Variants in LRRC4C observed in about 807,000 individuals in gnomAD.
LRRC4C encodes leucine-rich repeat-containing protein 4C.
Under a neutral mutation model 33.6 loss-of-function variants are expected in LRRC4C, and 5 were observed. The observed-to-expected ratio is 0.15, with a 90% CI of 0.08 to 0.31. The LOEUF (loss-of-function observed/expected upper bound fraction) is 0.31. LRRC4C is among the 10% of genes least tolerant of loss of function. The probability of loss-of-function intolerance (pLI) is 1.00; values close to 1 mark genes in which losing one functional copy is unlikely to be tolerated. For missense variants in LRRC4C, 560 were observed against 796.7 expected, an observed-to-expected ratio of 0.70 and a Z score of 3.58; for synonymous variants, 329 against 302.0, an observed-to-expected ratio of 1.09 and a Z score of -0.93.
At chr11:40,978,328 G>A (rs555935541) in intron 1 of LRRC4C, among the ~76,000 whole-genome samples, 1 of 152,250 alleles carries the variant, frequency 6.6e-6, no homozygotes, top group East Asian at 1.9e-4. Context: ...TACTGGCAAA[G>A]CCAACTAGCA....
chr11:41,387,484 G>T (rs2137957892), intron 1 of LRRC4C, among the ~76,000 whole-genome samples: 1 of 151,802 alleles, frequency 6.6e-6, no homozygotes. Context: ...AAGAAAATAA[G>T]AAGGATGAGA....
chr11:40,247,875 A>G (rs1043138370), intron 4 of LRRC4C, among the ~76,000 whole-genome samples: 10 of 152,232 alleles, frequency 6.6e-5, no homozygotes, highest in African/African-American at 2.4e-4. Flanking sequence ...CTGTAAGACA[A>G]CTGAAACTAG....
At chr11:40,391,832 A>T (rs1949349410) in intron 3 of LRRC4C, among the ~76,000 whole-genome samples, 1 of 152,228 alleles carries the variant, frequency 6.6e-6, no homozygotes, top group South Asian at 2.1e-4. Flanking sequence ...GTCCACATAA[A>T]AACCTGTCTG....
rs1466320264 is a variant in LRRC4C at position 40,608,587 on chromosome 11, CAT to C, written c.-270+39553_-270+39554del. 5.8e-4 allele frequency among the ~76,000 whole-genome samples: 88 copies of C among 151,978 alleles called. 1 individual carries two copies. Among genetic ancestry groups the C allele is most frequent in the Admixed American group, 5.7e-3 (87 of 15,256 alleles). ...ATTAATTACCTTTCCAATCAAACAACATAGAGTGGCTAATTGATTAACAAAAA... is the reference window on the plus strand; with the variant it reads ...ATTAATTACCTTTCCAATCAAACAACAGAGTGGCTAATTGATTAACAAAAA... On this transcript the variant is annotated intron_variant, in intron 3 of 6. Transcript: ENST00000528697.
Position 40,388,252 on chromosome 11 carries a change from A to G in LRRC4C, c.-269-68531T>C, listed in dbSNP as rs777748719. On this transcript the variant is annotated intron_variant, in intron 3 of 6. Coordinates refer to ENST00000528697, the MANE Select transcript of LRRC4C (RefSeq NM_001258419.2). ...ATCAGGTTACTTGTCTCTTGCTTCA[A>G]TGGTAATTCCTTGAGACCTGTCAAA... Among the ~76,000 whole-genome samples, 98 of 152,268 alleles carry G rather than the reference A, an allele frequency of 6.4e-4. 1 individual carries two copies. The Middle Eastern group carries it at 0.01, about 16-fold the overall frequency.
chr11:40,750,014 G>T (rs532672658), intron 2 of LRRC4C, among the ~76,000 whole-genome samples: 1 of 152,008 alleles, frequency 6.6e-6, no homozygotes, highest in South Asian at 2.1e-4. Context: ...TCAAAGAAAA[G>T]CACAGTGACC....
intron 2 of LRRC4C, among the ~76,000 whole-genome samples, chr11:40,838,358 G>T (rs1386194889): frequency 2.0e-5 from 3 of 152,056 alleles, no homozygotes; most frequent in Non-Finnish European, 4.4e-5. Context: ...AAAATGTTTT[G>T]TCTCTCAGAA....
chr11:41,263,201 C>T (rs546268243), intron 1 of LRRC4C, among the ~76,000 whole-genome samples: 1 of 152,240 alleles, frequency 6.6e-6, no homozygotes, highest in African/African-American at 2.4e-5. Flanking sequence ...GAAACCTATG[C>T]TTCTGGGAGT....
intron 2 of LRRC4C, among the ~76,000 whole-genome samples, chr11:40,693,236 A>T (rs1229855583): frequency 2.0e-5 from 3 of 152,172 alleles, no homozygotes. Context: ...TGAGATAGAT[A>T]AAAATAAAAT....
At chr11:40,896,867 C>G (rs1955968283) in intron 2 of LRRC4C, among the ~76,000 whole-genome samples, 1 of 152,160 alleles carries the variant, frequency 6.6e-6, no homozygotes, top group Admixed American at 6.5e-5. Context: ...CATGCCACCT[C>G]ACTTCACTGA....
chr11:40,155,245 C>T (rs1858585934), intron 5 of LRRC4C, among the ~76,000 whole-genome samples: 1 of 151,936 alleles, frequency 6.6e-6, no homozygotes, highest in Non-Finnish European at 1.5e-5. Flanking sequence ...TAAATGCCCA[C>T]ATCAAAAACT....
intron 3 of LRRC4C, among the ~76,000 whole-genome samples, chr11:40,442,246 CATT>C (rs1028431419): frequency 2.7e-5 from 4 of 149,054 alleles, no homozygotes; most frequent in Middle Eastern, 3.6e-3. Context: ...TAAAGTGTCT[CATT>C]ATGAAATTAT....
chr11:40,163,728 A>G (rs1052684217), intron 5 of LRRC4C, among the ~76,000 whole-genome samples: 2 of 152,144 alleles, frequency 1.3e-5, no homozygotes, highest in African/African-American at 4.8e-5. Flanking sequence ...CAAGCTAAGT[A>G]CAGTAGGCAG....
chr11:40,606,443 C>T (rs1389290091), intron 3 of LRRC4C, among the ~76,000 whole-genome samples: 2 of 152,004 alleles, frequency 1.3e-5, no homozygotes, highest in East Asian at 1.9e-4. Flanking sequence ...CTGTACAAAG[C>T]TAATTTATAA....
rs540817753 is a variant in LRRC4C at position 40,366,315 on chromosome 11, G to A, written c.-269-46594C>T. Among the ~76,000 whole-genome samples the A allele has an allele frequency of 5.3e-5, 8 of 152,110 alleles. No homozygotes were observed. The South Asian group carries it at 1.7e-3, about 32-fold the overall frequency. ...TTAACAATGGCTTATTATGTACAAG[G>A]TACCAGCCTTGGTGATCCTTGAAGC... On this transcript the variant is annotated intron_variant, in intron 3 of 6. Coordinates refer to ENST00000528697, the MANE Select transcript of LRRC4C (RefSeq NM_001258419.2).
At chr11:41,271,354 T>C (rs1591119338) in intron 1 of LRRC4C, among the ~76,000 whole-genome samples, 1 of 152,114 alleles carries the variant, frequency 6.6e-6, no homozygotes, top group East Asian at 1.9e-4. Context: ...CTATGGAACC[T>C]AACCTCGACA....
intron 2 of LRRC4C, among the ~76,000 whole-genome samples, chr11:40,895,030 G>T (rs1955876926): frequency 6.6e-6 from 1 of 151,872 alleles, no homozygotes; most frequent in South Asian, 2.1e-4. Flanking sequence ...TGGCTTGATA[G>T]CTAATTTCTA....
At chr11:40,601,836 C>T (rs1960027412) in intron 3 of LRRC4C, among the ~76,000 whole-genome samples, 1 of 152,036 alleles carries the variant, frequency 6.6e-6, no homozygotes, top group Non-Finnish European at 1.5e-5. Context: ...GCACTGCACC[C>T]AATTTCAGAT....
At chr11:40,787,149 A>G (rs1950442144) in intron 2 of LRRC4C, among the ~76,000 whole-genome samples, 1 of 152,166 alleles carries the variant, frequency 6.6e-6, no homozygotes, top group African/African-American at 2.4e-5. Context: ...AACATAAACA[A>G]TAAGAAGCAG....
Sources: allele counts gnomAD v4.1 joint callset (sites outside exome capture counted in the v4.1 genomes callset), GRCh38; gene constraint gnomAD v4.1.1; transcripts MANE v1.5; gene names NCBI Gene and HGNC (gene_info 2026-07-23, HGNC 2026-07-21).